Variants in LDB2 observed in about 807,000 individuals in gnomAD.
LDB2 encodes the protein LIM domain-binding protein 2.
Under a neutral mutation model 44.3 loss-of-function variants are expected in LDB2, and 12 were observed. That is an observed-to-expected ratio of 0.27 (90% CI 0.17 to 0.44). LDB2 has a LOEUF of 0.44. Ranked by LOEUF, LDB2 falls within the 20% of genes least tolerant of loss-of-function variation. LDB2 has a pLI of 1.00. For missense variants in LDB2, 344 were observed against 473.5 expected (o/e 0.73, Z 2.54); for synonymous variants, 164 against 174.8 (o/e 0.94, Z 0.49).
chr4:16,757,645 G>C (rs754946216), intron 2 of LDB2, among the ~76,000 whole-genome samples: 3 of 152,154 alleles, frequency 2.0e-5, no homozygotes, highest in Non-Finnish European at 2.9e-5. Flanking sequence ...AAATAAGGTG[G>C]CTCAGGATGG....
At chr4:16,558,220 G>A (rs996517946) in intron 5 of LDB2, among the ~76,000 whole-genome samples, 3 of 152,194 alleles carry the variant, frequency 2.0e-5, no homozygotes, top group Admixed American at 2.0e-4. Flanking sequence ...GAATGACTTT[G>A]ACGAGCTGAG....
intron 3 of LDB2, among the ~76,000 whole-genome samples, chr4:16,593,387 G>T (rs1372207733): frequency 1.3e-5 from 2 of 151,844 alleles, no homozygotes; most frequent in African/African-American, 4.8e-5. Flanking sequence ...TTTATTACAT[G>T]TAAATGAGTT....
chr4:16,824,905 A>C (rs1782772744), intron 1 of LDB2, among the ~76,000 whole-genome samples: 1 of 152,232 alleles, frequency 6.6e-6, no homozygotes, highest in African/African-American at 2.4e-5. Flanking sequence ...GAGCCACATG[A>C]GGGAGAGATA....
intron 1 of LDB2, among the ~76,000 whole-genome samples, chr4:16,893,546 G>A (rs1040779466): frequency 6.6e-6 from 1 of 152,026 alleles, no homozygotes; most frequent in African/African-American, 2.4e-5. Flanking sequence ...GAGTTTTAGA[G>A]TTGAGCTGAG....
At chr4:16,827,971 T>C (rs894567002) in intron 1 of LDB2, among the ~76,000 whole-genome samples, 4 of 152,144 alleles carry the variant, frequency 2.6e-5, no homozygotes, top group African/African-American at 9.7e-5. Context: ...GTTGCCACTT[T>C]TGTACTTCCT....
intron 5 of LDB2, among the ~76,000 whole-genome samples, chr4:16,522,381 A>T (rs549797230): frequency 4.6e-5 from 7 of 151,962 alleles, no homozygotes; most frequent in Non-Finnish European, 1.0e-4. Flanking sequence ...TTGAAAAAAT[A>T]ATGGATGGTT....
chr4:16,656,756 A>AC (rs1739976395), intron 2 of LDB2, among the ~76,000 whole-genome samples: 1 of 151,980 alleles, frequency 6.6e-6, no homozygotes, highest in South Asian at 2.1e-4. Flanking sequence ...ATTCAGCGTG[A>AC]TTTTTTTTCT....
intron 2 of LDB2, among the ~76,000 whole-genome samples, chr4:16,642,037 CAG>C (rs1275500840): frequency 1.3e-5 from 2 of 151,962 alleles, no homozygotes; most frequent in African/African-American, 4.8e-5. Flanking sequence ...AAAAATAAAA[CAG>C]AAAAAAATTA....
At chr4:16,596,410 T>A (rs892297354) in intron 2 of LDB2, among the ~76,000 whole-genome samples, 2 of 152,114 alleles carry the variant, frequency 1.3e-5, no homozygotes, top group Non-Finnish European at 2.9e-5. Context: ...AGGACTGAGA[T>A]CCGAAAATGT....
intron 1 of LDB2, among the ~76,000 whole-genome samples, chr4:16,775,642 G>T (rs1465663599): frequency 6.6e-6 from 1 of 152,096 alleles, no homozygotes; most frequent in Non-Finnish European, 1.5e-5. Context: ...AATTAGCCGG[G>T]TCCTGACACA....
At chr4:16,840,351 T>C (rs953390654) in intron 1 of LDB2, among the ~76,000 whole-genome samples, 3 of 152,146 alleles carry the variant, frequency 2.0e-5, no homozygotes, top group Non-Finnish European at 2.9e-5. Flanking sequence ...AAAAGATACA[T>C]ATATATATCT....
chr4:16,585,601 A>T (rs977304568), intron 5 of LDB2, among the ~76,000 whole-genome samples: 1 of 152,102 alleles, frequency 6.6e-6, no homozygotes, highest in Non-Finnish European at 1.5e-5. Context: ...CTCACCAATA[A>T]CCCATTTGAA....
chr4:16,870,799 G>C (rs558180938), intron 1 of LDB2, among the ~76,000 whole-genome samples: 1 of 151,938 alleles, frequency 6.6e-6, no homozygotes, highest in Admixed American at 6.6e-5. Context: ...CACCTGGCTA[G>C]TTTTTGTAGT....
At chr4:16,771,378 C>G (rs16893968) in intron 1 of LDB2, among the ~76,000 whole-genome samples, 2,327 of 152,224 alleles carry the variant, frequency 0.015, 68 homozygotes, top group African/African-American at 0.053. Context: ...AATCTGTTTA[C>G]CAGGGGACTT....
chr4:16,714,500 G>GA (rs906589932), intron 2 of LDB2, among the ~76,000 whole-genome samples: 13 of 152,062 alleles, frequency 8.5e-5, no homozygotes, highest in African/African-American at 1.7e-4. Flanking sequence ...ACCCCTCTGG[G>GA]AAAAAAATGA....
intron 1 of LDB2, among the ~76,000 whole-genome samples, chr4:16,765,126 G>T (rs1015266958): frequency 3.3e-5 from 5 of 152,178 alleles, no homozygotes; most frequent in Admixed American, 2.6e-4. Context: ...GTTCCCAGGT[G>T]TATTGGGTGG....
chr4:16,882,316 AT>A (rs1720381617), intron 1 of LDB2, among the ~76,000 whole-genome samples: 1 of 152,232 alleles, frequency 6.6e-6, no homozygotes, highest in Admixed American at 6.5e-5. Flanking sequence ...GCCACCATGA[AT>A]GCTACTTCTT....
At chr4:16,662,470 T>C (rs972695510) in intron 2 of LDB2, among the ~76,000 whole-genome samples, 2 of 152,178 alleles carry the variant, frequency 1.3e-5, no homozygotes, top group African/African-American at 2.4e-5. Flanking sequence ...TTGGTAAAAA[T>C]ATATCATCCA....
chr4:16,544,779 A>G (rs1365926165), intron 5 of LDB2, among the ~76,000 whole-genome samples: 1 of 152,204 alleles, frequency 6.6e-6, no homozygotes, highest in African/African-American at 2.4e-5. Flanking sequence ...TTAGACTTCC[A>G]AGTGAAAACA....
Sources: allele counts gnomAD v4.1 joint callset (sites outside exome capture counted in the v4.1 genomes callset), GRCh38; gene constraint gnomAD v4.1.1; transcripts MANE v1.5; gene names NCBI Gene and HGNC (gene_info 2026-07-23, HGNC 2026-07-21).